Variants in IGSF21 observed in about 807,000 individuals in gnomAD.
The protein encoded by IGSF21 is immunoglobulin superfamily member 21.
In IGSF21, 28 loss-of-function variants were observed where a neutral mutation model predicts 46.8. The ratio of observed to expected loss-of-function variants is 0.60; its 90% CI spans 0.44 to 0.82. The LOEUF (loss-of-function observed/expected upper bound fraction) is 0.82, where lower values mean the gene tolerates loss of function less well. Ranked by LOEUF, IGSF21 falls within the 40% of genes least tolerant of loss-of-function variation. IGSF21 has a pLI of 0.00. For synonymous variants in IGSF21, 284 were observed against 273.6 expected (o/e 1.04, Z -0.38); for missense variants, 624 against 665.5 (o/e 0.94, Z 0.69).
rs1177293945 is a variant in IGSF21, at chr1:18,364,685, A to G, written c.541-538A>G. Among the ~76,000 whole-genome samples the G allele has an allele frequency of 2.0e-5, 3 of 152,044 alleles. No individual in the cohort carries two copies. The East Asian group carries it at 5.8e-4, about 29-fold the overall frequency. On this transcript the variant is annotated intron_variant, in intron 5 of 9. Transcript: ENST00000251296. ...TCATCCCCGCACCTAGCTTCCTCCC[A>G]CACATGCACCTGTTTTCTGCCTTCC...
intron 2 of IGSF21, among the ~76,000 whole-genome samples, chr1:18,236,396 T>C (rs531462017): frequency 6.6e-6 from 1 of 152,218 alleles, no homozygotes; most frequent in Non-Finnish European, 1.5e-5. Flanking sequence ...CATTAAACTG[T>C]CCTTTTATAA....
chr1:18,249,742 T>C (rs948115879), intron 2 of IGSF21, among the ~76,000 whole-genome samples: 2 of 152,326 alleles, frequency 1.3e-5, no homozygotes, highest in African/African-American at 2.4e-5. Flanking sequence ...GCTCTGATTC[T>C]AGATGCTAGG....
chr1:18,168,509 A>G (rs1417605142), intron 1 of IGSF21, among the ~76,000 whole-genome samples: 1 of 152,176 alleles, frequency 6.6e-6, no homozygotes. Context: ...GGACAGGGTC[A>G]TTGCCTCAGA....
intron 1 of IGSF21, among the ~76,000 whole-genome samples, chr1:18,225,122 CACACACAA>C (rs1416807216): frequency 7.1e-6 from 1 of 141,594 alleles, no homozygotes; most frequent in African/African-American, 2.5e-5. Flanking sequence ...CACACACACA[CACACACAA>C]AGAAATCATG....
intron 2 of IGSF21, among the ~76,000 whole-genome samples, chr1:18,238,014 T>TG (rs2084689117): frequency 2.0e-5 from 1 of 48,806 alleles, no homozygotes; most frequent in Admixed American, 2.2e-4. Context: ...CTGGGGGTGC[T>TG]CAAACCCCAG....
At chr1:18,273,178 T>C in intron 2 of IGSF21, among the ~76,000 whole-genome samples, 1 of 151,502 alleles carries the variant, frequency 6.6e-6, no homozygotes, top group African/African-American at 2.4e-5. Flanking sequence ...GTAGCTGGGA[T>C]TACAGGCACA....
At chr1:18,219,838 G>A (rs1404779126) in intron 1 of IGSF21, among the ~76,000 whole-genome samples, 2 of 152,248 alleles carry the variant, frequency 1.3e-5, no homozygotes, top group South Asian at 2.1e-4. Flanking sequence ...TAAGTGTGAA[G>A]TTTCCTGGCT....
intron 1 of IGSF21, among the ~76,000 whole-genome samples, chr1:18,187,568 A>T (rs766466801): frequency 2.6e-5 from 4 of 152,108 alleles, no homozygotes; most frequent in Non-Finnish European, 5.9e-5. Context: ...TATGGGGGAA[A>T]CCACTCCTGC....
intron 4 of IGSF21, among the ~76,000 whole-genome samples, chr1:18,336,504 T>C (rs914227350): frequency 2.0e-4 from 30 of 152,192 alleles, no homozygotes; most frequent in African/African-American, 6.5e-4. Context: ...AATCCTCCTA[T>C]GATATCAGGC....
chr1:18,265,935 T>C (rs1179798697), intron 2 of IGSF21, among the ~76,000 whole-genome samples: 1 of 152,146 alleles, frequency 6.6e-6, no homozygotes, highest in Non-Finnish European at 1.5e-5. Context: ...CCATAGAGAT[T>C]AAGAGCTTGG....
chr1:18,159,283 C>T (rs899889977), intron 1 of IGSF21, among the ~76,000 whole-genome samples: 2 of 152,152 alleles, frequency 1.3e-5, no homozygotes, highest in African/African-American at 4.8e-5. Flanking sequence ...CTAGAGAAAG[C>T]AGGCAATAGG....
At chr1:18,108,370 G>C (rs1346505999) in intron 1 of IGSF21, among the ~76,000 whole-genome samples, 172 bp downstream of exon 1, 2 of 152,160 alleles carry the variant, frequency 1.3e-5, no homozygotes, top group African/African-American at 4.8e-5. Context: ...GCCTCTTGGA[G>C]AGCGCTCATG....
In IGSF21 at chr1:18,228,666, G is replaced by A. The variant is rs528473453; in HGVS notation, c.183+656G>A. ...CTATCCCTTTGCCACAAAGGAATTG[G>A]GGCTGGGCTCAGAAGGTCCAGGGGG... On this transcript the variant is annotated intron_variant, in intron 2 of 9. Transcript: ENST00000251296. 1.4e-3 allele frequency among the ~76,000 whole-genome samples: 215 copies of A among 152,322 alleles called. 1 individual carries two copies. Among genetic ancestry groups the A allele is most frequent in the Middle Eastern group, 6.8e-3 (2 of 294 alleles).
intron 1 of IGSF21, among the ~76,000 whole-genome samples, chr1:18,177,393 G>GAGGAC (rs1557573349): frequency 6.5e-5 from 1 of 15,402 alleles, no homozygotes; most frequent in African/African-American, 1.5e-4. Flanking sequence ...GGTCAGTGAG[G>GAGGAC]TGTGTGTGTG....
intron 2 of IGSF21, among the ~76,000 whole-genome samples, chr1:18,238,198 G>C (rs1318399123): frequency 6.6e-6 from 1 of 152,122 alleles, no homozygotes; most frequent in African/African-American, 2.4e-5. Context: ...TCCACTCTTG[G>C]GTCATCAAGG....
chr1:18,372,230 G>T (rs1173976805), intron 6 of IGSF21, among the ~76,000 whole-genome samples: 2 of 152,204 alleles, frequency 1.3e-5, no homozygotes, highest in Non-Finnish European at 2.9e-5. Flanking sequence ...GCTTTTCTAG[G>T]TTGTTGAGAA....
At chr1:18,182,109 C>G (rs1335124009) in intron 1 of IGSF21, among the ~76,000 whole-genome samples, 1 of 151,392 alleles carries the variant, frequency 6.6e-6, no homozygotes, top group East Asian at 1.9e-4. Flanking sequence ...TCCAGCAGAC[C>G]AAGCTTTCCT....
chr1:18,364,483 T>C (rs1180353589), intron 5 of IGSF21, among the ~76,000 whole-genome samples: 1 of 145,606 alleles, frequency 6.9e-6, no homozygotes, highest in Non-Finnish European at 1.5e-5. Flanking sequence ...CATCCCACTC[T>C]TCCCTCTCCC....
At chr1:18,275,470 T>A (rs1569698537) in intron 2 of IGSF21, among the ~76,000 whole-genome samples, 2 of 151,554 alleles carry the variant, frequency 1.3e-5, no homozygotes, top group African/African-American at 4.8e-5. Context: ...CCACCGGGAG[T>A]GTCTTGGTGA....
Sources: gnomAD v4.1 joint callset for allele counts (sites outside exome capture counted in the v4.1 genomes callset) on GRCh38, gnomAD v4.1.1 for gene constraint, MANE v1.5 for transcripts, NCBI Gene and HGNC (gene_info 2026-07-23, HGNC 2026-07-21) for gene names.